Variants in ERC1 observed in about 807,000 individuals in gnomAD.
The protein encoded by ERC1 is RAB6 interacting protein 2.
A neutral mutation model predicts 132.0 loss-of-function variants in ERC1; 56 were observed. The observed-to-expected ratio is 0.42, with a 90% CI of 0.34 to 0.53. ERC1 has a LOEUF of 0.53. Among genes scored for constraint, ERC1 ranks in the 20% least tolerant of loss-of-function variants. The pLI is 0.03. For synonymous variants in ERC1, 478 were observed against 476.1 expected (o/e 1.00, Z -0.05); for missense variants, 1,202 against 1,349.9 (o/e 0.89, Z 1.72).
At chr12:1,411,085 A>G (rs1003014246) in intron 17 of ERC1, among the ~76,000 whole-genome samples, 3 of 152,126 alleles carry the variant, frequency 2.0e-5, no homozygotes, top group African/African-American at 7.2e-5. Context: ...AAGTCATTCT[A>G]AAAATTCTTT....
At chr12:1,388,514 G>T (rs529369531) in intron 16 of ERC1, among the ~76,000 whole-genome samples, 3 of 152,158 alleles carry the variant, frequency 2.0e-5, no homozygotes, top group Non-Finnish European at 4.4e-5. Flanking sequence ...GCAGTGACGT[G>T]AGACTCCAGA....
chr12:1,151,282 G>A (rs1013854512), intron 8 of ERC1, among the ~76,000 whole-genome samples: 1 of 152,112 alleles, frequency 6.6e-6, no homozygotes, highest in Non-Finnish European at 1.5e-5. Flanking sequence ...TTTTACCTTC[G>A]GAACATTAAG....
intron 2 of ERC1, among the ~76,000 whole-genome samples, chr12:1,067,603 G>T (rs1294611492): frequency 6.6e-6 from 1 of 152,162 alleles, no homozygotes; most frequent in South Asian, 2.1e-4. Flanking sequence ...GCTCAGGGGT[G>T]TGCCCCTGTA....
chr12:1,397,497 C>G (rs1052018845), intron 16 of ERC1, among the ~76,000 whole-genome samples: 7 of 152,256 alleles, frequency 4.6e-5, no homozygotes, highest in African/African-American at 1.7e-4. Context: ...TGAGAAAGAT[C>G]TCTATTGATA....
At chr12:1,129,803 G>A (rs569567704) in intron 7 of ERC1, among the ~76,000 whole-genome samples, 1 of 147,472 alleles carries the variant, frequency 6.8e-6, no homozygotes, top group African/African-American at 2.6e-5. Flanking sequence ...GTTAAAAGAT[G>A]TATGTTAGAA....
chr12:1,082,910 A>G (rs1307279931), intron 2 of ERC1, among the ~76,000 whole-genome samples: 1 of 152,122 alleles, frequency 6.6e-6, no homozygotes, highest in Admixed American at 6.6e-5. Flanking sequence ...CAGTGTCTTT[A>G]TTGTAGTTTA....
At chr12:997,374 A>G (rs945779859) in intron 1 of ERC1, among the ~76,000 whole-genome samples, 5 of 152,216 alleles carry the variant, frequency 3.3e-5, no homozygotes, top group African/African-American at 1.2e-4. Flanking sequence ...TTTCTTGAGG[A>G]CAGGAACTAT....
chr12:1,090,715 A>G (rs28429381), intron 3 of ERC1, among the ~76,000 whole-genome samples: 2 of 164 alleles, frequency 0.012, 1 homozygote. Context: ...TATTATTATT[A>G]TTGTTGTTGT....
intron 1 of ERC1, among the ~76,000 whole-genome samples, chr12:1,016,708 G>A (rs950967224): frequency 1.4e-5 from 2 of 148,038 alleles, no homozygotes; most frequent in African/African-American, 2.5e-5. Flanking sequence ...GCAGTGGTGC[G>A]ATCTCGATCT....
chr12:1,450,474 C>A (rs558317563), intron 18 of ERC1, among the ~76,000 whole-genome samples: 1 of 152,326 alleles, frequency 6.6e-6, no homozygotes, highest in African/African-American at 2.4e-5. Context: ...TAAGGAAATG[C>A]TGTGTCAGAA....
chr12:1,075,620 G>A (rs777690289), intron 2 of ERC1, among the ~76,000 whole-genome samples: 2 of 152,128 alleles, frequency 1.3e-5, no homozygotes, highest in Admixed American at 6.6e-5. Context: ...GAACCTGGGA[G>A]GCGGAGGTTG....
chr12:1,274,038 T>C (rs2154332603), intron 14 of ERC1, among the ~76,000 whole-genome samples: 1 of 152,320 alleles, frequency 6.6e-6, no homozygotes, highest in Middle Eastern at 3.4e-3. Flanking sequence ...TGCATGTGAG[T>C]GTTTTCTTCC....
At chr12:1,160,094 A>ACAGT (rs1951751047) in intron 8 of ERC1, among the ~76,000 whole-genome samples, 3 of 151,614 alleles carry the variant, frequency 2.0e-5, no homozygotes, top group South Asian at 2.1e-4. Context: ...ATTTAGTCTG[A>ACAGT]CAAGTCTTGA....
At chr12:1,374,538 AGT>A (rs2087639671) in intron 16 of ERC1, among the ~76,000 whole-genome samples, 1 of 152,206 alleles carries the variant, frequency 6.6e-6, no homozygotes, top group Non-Finnish European at 1.5e-5. Context: ...GGTGCCAGCC[AGT>A]GTGTTCAGAC....
chr12:1,337,314 C>CTT (rs112582528), intron 15 of ERC1, among the ~76,000 whole-genome samples: 9 of 142,546 alleles, frequency 6.3e-5, no homozygotes, highest in African/African-American at 2.0e-4. Flanking sequence ...TCTTCTTTTT[C>CTT]TTTTTTTTTT....
intron 12 of ERC1, among the ~76,000 whole-genome samples, chr12:1,217,313 T>C (rs11061668): frequency 0.016 from 2,451 of 152,360 alleles, 24 homozygotes; most frequent in Non-Finnish European, 0.025. Flanking sequence ...GTCTGTTTTA[T>C]CAGACTTTAT....
At chr12:1,221,362 A>C (rs1428697131) in intron 12 of ERC1, among the ~76,000 whole-genome samples, 2 of 152,242 alleles carry the variant, frequency 1.3e-5, no homozygotes, top group East Asian at 1.9e-4. Flanking sequence ...CCTTGTCTTC[A>C]AAGAAATTAG....
intron 11 of ERC1, among the ~76,000 whole-genome samples, chr12:1,185,130 C>G (rs1013450598): frequency 6.6e-6 from 1 of 152,032 alleles, no homozygotes; most frequent in East Asian, 1.9e-4. Flanking sequence ...AGGCTGGTCT[C>G]AAACTCCTGA....
chr12:1,407,451 CTG>C (rs780057177), intron 16 of ERC1, among the ~76,000 whole-genome samples: 43 of 151,964 alleles, frequency 2.8e-4, no homozygotes, highest in Non-Finnish European at 5.0e-4. Context: ...GCTCGGGAAA[CTG>C]AGGCCAGAGG....
Sources: allele counts gnomAD v4.1 joint callset (sites outside exome capture counted in the v4.1 genomes callset), GRCh38; gene constraint gnomAD v4.1.1; transcripts MANE v1.5; gene names NCBI Gene and HGNC (gene_info 2026-07-23, HGNC 2026-07-21).